PCDH7: variants seen among roughly 807,000 people sequenced by gnomAD.
PCDH7 encodes protocadherin 7.
In PCDH7, 17 loss-of-function variants were observed where a neutral mutation model predicts 58.9. The observed-to-expected ratio is 0.29, with a 90% CI of 0.20 to 0.43. The LOEUF (loss-of-function observed/expected upper bound fraction) is 0.43. Among genes scored for constraint, PCDH7 ranks in the 20% least tolerant of loss-of-function variants. The pLI is 1.00. For missense variants in PCDH7, 1,274 were observed against 1,441.0 expected (o/e 0.88, Z 1.88); for synonymous variants, 664 against 616.4 (o/e 1.08, Z -1.14).
chr4:31,001,309 A>C lies in PCDH7; in HGVS notation c.*7+51094A>C, dbSNP rs933550081. Among the ~76,000 whole-genome samples the C allele has an allele frequency of 1.2e-4, 19 of 152,258 alleles. No homozygotes were observed. The East Asian group carries it at 2.1e-3, about 17-fold the overall frequency. On this transcript the variant is annotated intron_variant, in intron 3 of 3. Transcript: ENST00000509759. ...GGTATGAGTGCTGAAAGTTATCTTC[A>C]GAATATATTTTAAACCTGGTTAAAT...
chr4:31,056,464 A>AGAAG (rs879850159), intron 3 of PCDH7, among the ~76,000 whole-genome samples: 4,268 of 119,694 alleles, frequency 0.036, 203 homozygotes, highest in Middle Eastern at 0.044. Flanking sequence ...GAAAGAAGAA[A>AGAAG]GAAAGAAAGA....
At chr4:30,993,501 G>A (rs1160589511) in intron 3 of PCDH7, among the ~76,000 whole-genome samples, 2 of 152,116 alleles carry the variant, frequency 1.3e-5, no homozygotes, top group African/African-American at 4.8e-5. Context: ...TTCATAAAGT[G>A]TGATACTTCG....
chr4:30,751,800 T>C (rs73119613), intron 1 of PCDH7, among the ~76,000 whole-genome samples: 22,669 of 152,188 alleles, frequency 0.15, 1,929 homozygotes, highest in East Asian at 0.29. Context: ...TTAATAGGGC[T>C]ATACATTTTT....
At chr4:31,144,252 C>T (rs1438804592), downstream of PCDH7, 2 of 152,108 alleles carry the variant, frequency 1.3e-5, no homozygotes, top group East Asian at 3.9e-4. Flanking sequence ...GTGATTTGAA[C>T]ATTATTTAAA....
chr4:31,069,024 C>T (rs2109249679), intron 3 of PCDH7, among the ~76,000 whole-genome samples: 1 of 151,908 alleles, frequency 6.6e-6, no homozygotes, highest in Middle Eastern at 3.4e-3. Flanking sequence ...TGTTAAGTAC[C>T]TATAACTTCT....
intron 3 of PCDH7, among the ~76,000 whole-genome samples, chr4:31,004,509 A>T (rs775959812): frequency 2.6e-5 from 4 of 152,134 alleles, no homozygotes; most frequent in Non-Finnish European, 5.9e-5. Context: ...CAGGAGTTCA[A>T]GACCAGCCTG....
At chr4:31,032,035 T>C (rs1022284772) in intron 3 of PCDH7, among the ~76,000 whole-genome samples, 3 of 152,236 alleles carry the variant, frequency 2.0e-5, no homozygotes, top group Non-Finnish European at 4.4e-5. Context: ...ACTTATTTTA[T>C]TTTCAATTAA....
chr4:30,762,420 C>T (rs1182370348), intron 1 of PCDH7, among the ~76,000 whole-genome samples: 1 of 152,048 alleles, frequency 6.6e-6, no homozygotes, highest in Non-Finnish European at 1.5e-5. Context: ...AAGAGCAAGA[C>T]TCTTAACATA....
intron 3 of PCDH7, among the ~76,000 whole-genome samples, chr4:31,050,751 T>C (rs1160008118): frequency 2.6e-5 from 4 of 152,162 alleles, no homozygotes; most frequent in Non-Finnish European, 5.9e-5. Context: ...GGACAAAAAT[T>C]GGTGTAATTA....
chr4:30,731,083 C>A, exon 2 of PCDH7: 2 of 1,108,082 alleles, frequency 1.8e-6, no homozygotes, highest in Non-Finnish European at 2.2e-6. Context: ...ACAGTGATGT[C>A]TTTTAAAAAA....
intron 3 of PCDH7, among the ~76,000 whole-genome samples, chr4:31,024,458 A>G (rs1754269836): frequency 1.3e-5 from 2 of 152,114 alleles, no homozygotes; most frequent in Admixed American, 1.3e-4. Flanking sequence ...TGTCATTTCT[A>G]TTTACGAAAT....
chr4:30,821,579 C>A (rs918970108), intron 1 of PCDH7, among the ~76,000 whole-genome samples: 1 of 152,192 alleles, frequency 6.6e-6, no homozygotes, highest in Non-Finnish European at 1.5e-5. Context: ...ATTTCCCACC[C>A]CTTAGGCGGG....
intron 3 of PCDH7, among the ~76,000 whole-genome samples, chr4:30,965,626 C>G (rs1748927902): frequency 6.6e-6 from 1 of 151,996 alleles, no homozygotes; most frequent in African/African-American, 2.4e-5. Flanking sequence ...TTATCTCATG[C>G]TGTTGAATCT....
intron 3 of PCDH7, among the ~76,000 whole-genome samples, chr4:30,993,294 C>T (rs975266307): frequency 2.6e-5 from 4 of 152,154 alleles, no homozygotes; most frequent in Non-Finnish European, 5.9e-5. Context: ...CTGTGCTTGA[C>T]AATTTTTTGA....
intron 1 of PCDH7, among the ~76,000 whole-genome samples, chr4:30,763,008 C>G (rs550020871): frequency 6.6e-6 from 1 of 152,192 alleles, no homozygotes; most frequent in African/African-American, 2.4e-5. Context: ...TTTGGGAGGC[C>G]TAGGCGGGCG....
At chr4:30,886,261 C>T (rs1271764305) in intron 1 of PCDH7, among the ~76,000 whole-genome samples, 844 of 120,704 alleles carry the variant, frequency 7.0e-3, no homozygotes, top group East Asian at 0.023. Context: ...ACAATGAACT[C>T]CAACAAATTT....
chr4:31,006,654 A>T (rs1407368802), intron 3 of PCDH7, among the ~76,000 whole-genome samples: 4 of 152,112 alleles, frequency 2.6e-5, no homozygotes, highest in African/African-American at 9.7e-5. Context: ...GCAATTTTGG[A>T]TGCTGAGGTG....
chr4:30,765,142 T>TTTTTTTTTTTTTTTTTTC (rs1720579564), intron 1 of PCDH7, among the ~76,000 whole-genome samples: 1 of 144,700 alleles, frequency 6.9e-6, no homozygotes, highest in African/African-American at 2.5e-5. Flanking sequence ...TTTTTTTTTT[T>TTTTTTTTTTTTTTTTTTC]TTTTTTTTTA....
At chr4:31,056,222 G>A (rs1283437471) in intron 3 of PCDH7, among the ~76,000 whole-genome samples, 1 of 151,698 alleles carries the variant, frequency 6.6e-6, no homozygotes, top group Admixed American at 6.6e-5. Flanking sequence ...ACAAAAATTA[G>A]CCTGGTGTGG....
Sources: allele counts gnomAD v4.1 joint callset (sites outside exome capture counted in the v4.1 genomes callset), GRCh38; gene constraint gnomAD v4.1.1; transcripts MANE v1.5; gene names NCBI Gene and HGNC (gene_info 2026-07-23, HGNC 2026-07-21).